Variants in LPP observed in about 807,000 individuals in gnomAD.
LPP encodes the protein lipoma-preferred partner.
In LPP, 38 loss-of-function variants were observed where a neutral mutation model predicts 60.4. The observed-to-expected ratio is 0.63, with a 90% CI of 0.49 to 0.83. The LOEUF is 0.83. Ranked by LOEUF, LPP falls within the 40% of genes least tolerant of loss-of-function variation. The pLI, the probability that LPP is intolerant of heterozygous loss-of-function variation, is 0.00. For missense variants in LPP, 902 were observed against 783.6 expected (o/e 1.15, Z -1.80); for synonymous variants, 328 against 290.8 (o/e 1.13, Z -1.30).
chr3:188,186,248 T>G (rs527450534), intron 1 of LPP, among the ~76,000 whole-genome samples: 2 of 152,328 alleles, frequency 1.3e-5, no homozygotes, highest in Admixed American at 1.3e-4. Context: ...CTGTTGATTT[T>G]GGGGTTTCCT....
At chr3:188,847,423 A>G (rs1221847919) in intron 9 of LPP, among the ~76,000 whole-genome samples, 1 of 152,242 alleles carries the variant, frequency 6.6e-6, no homozygotes, top group Admixed American at 6.5e-5. Context: ...TTGTAATTTT[A>G]GGTAACTGGG....
Position 188,876,615 on chromosome 3 carries a change from G to A in LPP, c.*2136G>A, listed in dbSNP as rs1387118196. Reference sequence around the variant, plus strand: ...GACAATAGGGCTGATAATGTAATCGGCTTGAATTTTGACTTAGTAACTTTT... The same window carrying A: ...GACAATAGGGCTGATAATGTAATCGACTTGAATTTTGACTTAGTAACTTTT... On this transcript the variant is annotated 3_prime_UTR_variant, in exon 12 of 12. Coordinates refer to ENST00000617246, the MANE Select transcript of LPP (RefSeq NM_001375462.1). The A allele has an allele frequency of 5.0e-6, 1 of 200,188 alleles. No homozygotes were observed. The highest frequency in any genetic ancestry group is 1.0e-5 in the Non-Finnish European group (1 of 96,910). The allele number at this position is 200,188 out of a possible 1,614,324, so 12.4% of individuals were successfully genotyped here. A position where few individuals can be genotyped will look rare whatever the true frequency, so the allele number is the denominator to read the frequency against.
intron 9 of LPP, among the ~76,000 whole-genome samples, chr3:188,812,294 G>A (rs974096821): frequency 2.6e-5 from 4 of 152,002 alleles, no homozygotes; most frequent in Non-Finnish European, 5.9e-5. Context: ...TCCTTTTATT[G>A]GTGCTTGCAG....
At chr3:188,179,150 C>A (rs207464163) in intron 1 of LPP, 1 of 403,652 alleles carries the variant, frequency 2.5e-6, no homozygotes, top group Non-Finnish European at 5.0e-6. Context: ...TCTACATATT[C>A]CCCCCGGCCC....
intron 9 of LPP, among the ~76,000 whole-genome samples, chr3:188,801,614 T>C (rs940240843): frequency 6.6e-6 from 1 of 152,212 alleles, no homozygotes; most frequent in Non-Finnish European, 1.5e-5. Flanking sequence ...AGCGAATCTA[T>C]GTAGACACTC....
intron 8 of LPP, among the ~76,000 whole-genome samples, chr3:188,754,204 G>A (rs566090706): frequency 6.6e-6 from 1 of 152,286 alleles, no homozygotes; most frequent in East Asian, 1.9e-4. Flanking sequence ...TTCTATCGCA[G>A]TGCTTCCAAT....
chr3:188,507,075 G>T (rs1431559775), intron 5 of LPP, among the ~76,000 whole-genome samples: 2 of 100,774 alleles, frequency 2.0e-5, no homozygotes, highest in African/African-American at 6.1e-5. Context: ...GGGATTACAG[G>T]CATGAGCCAC....
chr3:188,420,200 T>G (rs1403812704), intron 4 of LPP, among the ~76,000 whole-genome samples: 1 of 152,174 alleles, frequency 6.6e-6, no homozygotes, highest in African/African-American at 2.4e-5. Context: ...AATAGAGATT[T>G]TAGAATTGGC....
chr3:188,858,819 G>A (rs930092856), intron 9 of LPP, among the ~76,000 whole-genome samples: 2 of 152,122 alleles, frequency 1.3e-5, no homozygotes, highest in African/African-American at 2.4e-5. Flanking sequence ...GCCGGGCGTG[G>A]TGGCTCATGC....
chr3:188,535,302 T>G (rs1250714851), intron 6 of LPP, among the ~76,000 whole-genome samples: 1 of 152,180 alleles, frequency 6.6e-6, no homozygotes, highest in Non-Finnish European at 1.5e-5. Flanking sequence ...AGAATATACC[T>G]TACAGGAACA....
intron 7 of LPP, among the ~76,000 whole-genome samples, chr3:188,634,892 A>G (rs1419409313): frequency 6.6e-6 from 1 of 152,138 alleles, no homozygotes; most frequent in Non-Finnish European, 1.5e-5. Context: ...AACTATCCCC[A>G]TGCCCCAATC....
intron 9 of LPP, among the ~76,000 whole-genome samples, chr3:188,841,386 T>G (rs897676716): frequency 2.3e-5 from 3 of 132,360 alleles, no homozygotes; most frequent in Non-Finnish European, 4.7e-5. Context: ...CTGCCCTTTC[T>G]GAATTTGTTT....
intron 1 of LPP, among the ~76,000 whole-genome samples, chr3:188,167,905 T>A (rs1275881168): frequency 1.3e-5 from 2 of 152,242 alleles, no homozygotes; most frequent in Non-Finnish European, 2.9e-5. Flanking sequence ...CTTTGCTAAA[T>A]TAATATGTAA....
At chr3:188,651,609 G>A (rs532774515) in intron 7 of LPP, among the ~76,000 whole-genome samples, 4 of 152,190 alleles carry the variant, frequency 2.6e-5, no homozygotes, top group African/African-American at 7.2e-5. Context: ...TGGCTGGGGA[G>A]GTCTCACAGT....
intron 7 of LPP, among the ~76,000 whole-genome samples, chr3:188,628,260 T>C (rs935624577): frequency 5.9e-5 from 9 of 151,632 alleles, no homozygotes; most frequent in African/African-American, 2.2e-4. Context: ...AGAGCTGAAC[T>C]GAACAAAATT....
At chr3:188,827,431 G>A (rs1755863373) in intron 9 of LPP, among the ~76,000 whole-genome samples, 1 of 152,118 alleles carries the variant, frequency 6.6e-6, no homozygotes, top group Non-Finnish European at 1.5e-5. Context: ...AACTTTAGAG[G>A]GAAACATGAC....
chr3:188,740,699 G>A (rs1724105824), intron 8 of LPP, among the ~76,000 whole-genome samples: 1 of 151,962 alleles, frequency 6.6e-6, no homozygotes, highest in African/African-American at 2.4e-5. Flanking sequence ...CTTATTTGAT[G>A]TGTGCTCAGC....
At chr3:188,826,112 G>A (rs1755414271) in intron 9 of LPP, among the ~76,000 whole-genome samples, 1 of 152,032 alleles carries the variant, frequency 6.6e-6, no homozygotes, top group South Asian at 2.1e-4. Context: ...TTTGGTTCAG[G>A]AGCAGCTGCA....
intron 8 of LPP, among the ~76,000 whole-genome samples, chr3:188,720,129 T>A (rs201944659): frequency 1.3e-5 from 2 of 152,206 alleles, no homozygotes; most frequent in South Asian, 4.1e-4. Context: ...ATCAGGCTGA[T>A]CTTGAACTCC....
Sources: gnomAD v4.1 joint callset for allele counts (sites outside exome capture counted in the v4.1 genomes callset) on GRCh38, gnomAD v4.1.1 for gene constraint, MANE v1.5 for transcripts, NCBI Gene and HGNC (gene_info 2026-07-23, HGNC 2026-07-21) for gene names.